Variants in PPP2R3A observed in about 807,000 individuals in gnomAD.
PPP2R3A encodes the protein protein phosphatase 2 regulatory subunit B''alpha.
A neutral mutation model predicts 106.9 loss-of-function variants in PPP2R3A; 80 were observed. The observed-to-expected ratio is 0.75, with a 90% CI of 0.62 to 0.90. PPP2R3A has a LOEUF of 0.90. Ranked by LOEUF, PPP2R3A falls within the 40% of genes least tolerant of loss-of-function variation. The pLI, the probability that PPP2R3A is intolerant of heterozygous loss-of-function variation, is 0.00. For synonymous variants in PPP2R3A, 483 were observed against 468.3 expected, an observed-to-expected ratio of 1.03 and a Z score of -0.41; for missense variants, 1,386 against 1,350.4, an observed-to-expected ratio of 1.03 and a Z score of -0.41.
intron 13 of PPP2R3A, among the ~76,000 whole-genome samples, chr3:136,113,645 A>C (rs1937634088): frequency 6.6e-6 from 1 of 152,008 alleles, no homozygotes; most frequent in African/African-American, 2.4e-5. Flanking sequence ...ACCAAACAAA[A>C]ACAAAACAGT....
chr3:136,087,250 T>TCTCTCTCTCTCTCC (rs1936967855), intron 8 of PPP2R3A, among the ~76,000 whole-genome samples: 1 of 91,910 alleles, frequency 1.1e-5, no homozygotes, highest in Non-Finnish European at 2.1e-5. Flanking sequence ...GTCGTGTCTC[T>TCTCTCTCTCTCTCC]CTCTCTCTCT....
At chr3:135,986,102 A>G (rs1441889682) in intron 1 of PPP2R3A, among the ~76,000 whole-genome samples, 3 of 152,150 alleles carry the variant, frequency 2.0e-5, no homozygotes, top group Non-Finnish European at 4.4e-5. Context: ...GAAGAGAAAA[A>G]GAGTCATCAT....
At chr3:136,043,766 A>G (rs1418714470) in intron 4 of PPP2R3A, among the ~76,000 whole-genome samples, 2 of 152,188 alleles carry the variant, frequency 1.3e-5, no homozygotes, top group African/African-American at 4.8e-5. Flanking sequence ...TTTCATATCA[A>G]TGTATCATTT....
intron 7 of PPP2R3A, among the ~76,000 whole-genome samples, chr3:136,080,991 T>C (rs1936762047): frequency 6.7e-6 from 1 of 150,248 alleles, no homozygotes; most frequent in South Asian, 2.1e-4. Flanking sequence ...CATGTGTTTC[T>C]TTTTTCTTTT....
chr3:136,136,045 C>CAAAAAA (rs34558229), intron 13 of PPP2R3A, among the ~76,000 whole-genome samples: 45 of 22,354 alleles, frequency 2.0e-3, no homozygotes, highest in South Asian at 4.9e-3. Context: ...GACTCCGTCT[C>CAAAAAA]AAAAAAAAAA....
At chr3:136,037,894 T>G (rs892339190) in intron 3 of PPP2R3A, among the ~76,000 whole-genome samples, 5 of 152,118 alleles carry the variant, frequency 3.3e-5, no homozygotes, top group Non-Finnish European at 7.4e-5. Flanking sequence ...CCTAAATCTA[T>G]TTTCTGTATC....
chr3:136,103,169 A>G (rs75262249), intron 11 of PPP2R3A, 89 bp from the exon 12 acceptor site: 44,479 of 706,894 alleles, frequency 0.063, 1,761 homozygotes, highest in African/African-American at 0.14. Context: ...ATAAACATAT[A>G]CCTATACTTT....
At chr3:136,121,021 C>G (rs1343099892) in intron 13 of PPP2R3A, among the ~76,000 whole-genome samples, 2 of 152,100 alleles carry the variant, frequency 1.3e-5, no homozygotes, top group Non-Finnish European at 2.9e-5. Context: ...CTGTGGGGAG[C>G]AGTTTGGATA....
chr3:135,968,514 G>A (rs375313101), intron 1 of PPP2R3A, among the ~76,000 whole-genome samples: 6 of 152,198 alleles, frequency 3.9e-5, no homozygotes, highest in East Asian at 1.9e-4. Context: ...TGGGAACCCA[G>A]AAGCCAGGAA....
intron 3 of PPP2R3A, among the ~76,000 whole-genome samples, chr3:136,033,106 A>G (rs887833946): frequency 5.3e-5 from 8 of 152,286 alleles, no homozygotes; most frequent in Non-Finnish European, 1.0e-4. Context: ...ATTTTATCAA[A>G]TGCTTTTTCT....
At chr3:135,975,239 G>A (rs1460871434) in intron 1 of PPP2R3A, among the ~76,000 whole-genome samples, 5 of 152,176 alleles carry the variant, frequency 3.3e-5, no homozygotes, top group Non-Finnish European at 7.3e-5. Flanking sequence ...AATGAAGAGT[G>A]TGTTGATTCT....
At chr3:136,087,752 A>G (rs1470203935) in intron 8 of PPP2R3A, 131 bp from the exon 9 acceptor site, 3 of 553,080 alleles carry the variant, frequency 5.4e-6, no homozygotes, top group South Asian at 5.9e-5. Flanking sequence ...ATAAAAATGT[A>G]CTCACATTCT....
At chr3:136,136,556 C>T (rs1215729669) in intron 13 of PPP2R3A, among the ~76,000 whole-genome samples, 1 of 152,012 alleles carries the variant, frequency 6.6e-6, no homozygotes, top group African/African-American at 2.4e-5. Flanking sequence ...AAAAATGGAG[C>T]TATTTGTTTT....
At chr3:135,981,475 A>T (rs1368388259) in intron 1 of PPP2R3A, among the ~76,000 whole-genome samples, 1 of 151,850 alleles carries the variant, frequency 6.6e-6, no homozygotes, top group Non-Finnish European at 1.5e-5. Flanking sequence ...CTTAAAACTG[A>T]TTACAAAAAG....
intron 4 of PPP2R3A, among the ~76,000 whole-genome samples, chr3:136,043,721 G>A (rs1437442963): frequency 1.3e-5 from 2 of 152,108 alleles, no homozygotes; most frequent in African/African-American, 2.4e-5. Context: ...CAATAATATT[G>A]CTTCAGCTTT....
At chr3:136,006,052 A>G (rs1933833353) in intron 2 of PPP2R3A, among the ~76,000 whole-genome samples, 1 of 152,178 alleles carries the variant, frequency 6.6e-6, no homozygotes, top group Admixed American at 6.5e-5. Flanking sequence ...CTAACACCTC[A>G]TGAGTGGGTT....
At position 136,082,381 on chromosome 3, in the gene PPP2R3A, C is replaced by T; in HGVS notation, c.2748C>T (p.Leu916=). The T allele has an allele frequency of 6.2e-7, 1 of 1,613,904 alleles. No individual in the cohort carries two copies. Among genetic ancestry groups the T allele is most frequent in the Non-Finnish European group, 8.5e-7 (1 of 1,179,808 alleles). The change falls in exon 8 of 14, where the codon CTC becomes CTT. Residue 916 remains leucine, a synonymous_variant. Transcript: ENST00000264977. The part of the protein sequence containing the change: ...KFWELDTDHD[L]YISQADLSRY... Reference sequence around the variant, plus strand: ...GGGAACTAGATACTGATCACGACCTCTACATCAGCCAGGCCGATCTGTCTC... The same window carrying T: ...GGGAACTAGATACTGATCACGACCTTTACATCAGCCAGGCCGATCTGTCTC...
chr3:136,064,846 A>T (rs1182408094), intron 5 of PPP2R3A, among the ~76,000 whole-genome samples: 1 of 152,206 alleles, frequency 6.6e-6, no homozygotes, highest in Non-Finnish European at 1.5e-5. Context: ...GCCTGACCTG[A>T]CATTCAACCA....
chr3:136,018,240 C>T (rs184274580), intron 2 of PPP2R3A, among the ~76,000 whole-genome samples: 4 of 152,272 alleles, frequency 2.6e-5, no homozygotes, highest in Admixed American at 2.6e-4. Context: ...GCACTCCAGC[C>T]TGGACAACAG....
Sources: allele counts gnomAD v4.1 joint callset (sites outside exome capture counted in the v4.1 genomes callset), GRCh38; gene constraint gnomAD v4.1.1; transcripts MANE v1.5; gene names NCBI Gene and HGNC (gene_info 2026-07-23, HGNC 2026-07-21).